SHOX: variants seen among roughly 807,000 people sequenced by gnomAD.
SHOX encodes SHOX homeobox.
A neutral mutation model predicts 29.6 loss-of-function variants in SHOX; 12 were observed. The ratio of observed to expected loss-of-function variants is 0.41; its 90% CI spans 0.26 to 0.66. The LOEUF (loss-of-function observed/expected upper bound fraction) is 0.66. Among genes scored for constraint, SHOX ranks in the 30% least tolerant of loss-of-function variants. SHOX has a pLI of 0.35. For synonymous variants in SHOX, 214 were observed against 200.6 expected, an observed-to-expected ratio of 1.07 and a Z score of -0.57; for missense variants, 499 against 437.7, an observed-to-expected ratio of 1.14 and a Z score of -1.25.
Position 644,743 on chromosome X carries a change from T to G in SHOX, c.*107T>G, listed in dbSNP as rs2052933674. ...CCTGGAGCTCCTTCCGCGGCCACCG[T>G]GCTCCGGGCACCCCGGGAGCTCCTG... On this transcript the variant is annotated 3_prime_UTR_variant, in exon 5 of 5. Transcript: ENST00000686671. The G allele has an allele frequency of 3.8e-6, 5 of 1,318,158 alleles. No homozygotes were observed. The East Asian group carries it at 9.4e-5, about 25-fold the overall frequency. The allele number at this position is 1,318,158 out of a possible 1,614,324, so 81.7% of individuals were successfully genotyped here.
At position 641,039 on chromosome X, in the gene SHOX, A is replaced by G; in HGVS notation, c.585A>G (p.Arg195=). ...CAGCCAACCACCTAGACGCCTGCCG[A>G]GTGGCACCCTACGTCAACATGGGAG... ...LGTANHLDAC[R]VAPYVNMGAL... is the part of the protein sequence containing the mutation. Residue 195 remains arginine (R), a synonymous_variant, in exon 4 of 5, where the codon CGA becomes CGG. Transcript: ENST00000686671. 1 of 1,613,710 alleles carries G rather than the reference A, an allele frequency of 6.2e-7. No homozygotes were observed. Among genetic ancestry groups the G allele is most frequent in the Non-Finnish European group, 8.5e-7 (1 of 1,179,798 alleles).
chrX:631,233 C>T, intron 1 of SHOX, 59 bp downstream of exon 1: 1 of 1,594,124 alleles, frequency 6.3e-7, no homozygotes, highest in Non-Finnish European at 8.6e-7. Flanking sequence ...CGCCTCCTCG[C>T]CACGGAGTCG....
At chrX:634,123 C>A (rs2052696568) in intron 1 of SHOX, among the ~76,000 whole-genome samples, 1 of 152,168 alleles carries the variant, frequency 6.6e-6, no homozygotes, top group Non-Finnish European at 1.5e-5. Context: ...GGTAGGGGCT[C>A]CTAGCTCCGC....
At chrX:644,280 C>A (rs768916558) in intron 4 of SHOX, 111 bp from the exon 5 acceptor site, 2 of 1,314,898 alleles carry the variant, frequency 1.5e-6, no homozygotes, top group South Asian at 1.7e-5. Context: ...GGAGAAGGGG[C>A]GACGCTCCCT....
upstream of SHOX, among the ~76,000 whole-genome samples, chrX:626,603 T>C (rs1193280798): frequency 4.0e-3 from 42 of 10,424 alleles, 5 homozygotes; most frequent in Non-Finnish European, 9.0e-3. Flanking sequence ...CTGTCTCTCT[T>C]TCTCTCCTCT....
chrX:629,955 C>A (rs1363303753), upstream of SHOX, among the ~76,000 whole-genome samples: 1 of 152,196 alleles, frequency 6.6e-6, no homozygotes, highest in Non-Finnish European at 1.5e-5. Flanking sequence ...CCGGTAAATA[C>A]CCCAGACGCC....
chrX:636,946 A>AT (rs1358267617), intron 2 of SHOX, among the ~76,000 whole-genome samples: 730 of 27,124 alleles, frequency 0.027, 9 homozygotes, highest in South Asian at 0.042. Context: ...TTTCATTTAA[A>AT]AATATATATA....
exon 1 of SHOX, chrX:624,468 G>A (rs2052464038): frequency 6.6e-6 from 1 of 151,952 alleles, no homozygotes; most frequent in African/African-American, 2.4e-5. Context: ...TGGACAGGCG[G>A]GTAGGAGCGG....
At chrX:658,098 C>CCGAGT (rs1345050456) in intron 5 of SHOX, among the ~76,000 whole-genome samples, 2 of 152,018 alleles carry the variant, frequency 1.3e-5, no homozygotes, top group Admixed American at 6.6e-5. Flanking sequence ...CCTCAGCCTC[C>CCGAGT]CGAGTAGCTG....
chrX:657,731 G>A (rs1290812902), intron 5 of SHOX, among the ~76,000 whole-genome samples: 2 of 152,242 alleles, frequency 1.3e-5, no homozygotes, highest in African/African-American at 2.4e-5. Context: ...CGAGTTGAAC[G>A]ATTGTTGGAA....
upstream of SHOX, among the ~76,000 whole-genome samples, chrX:626,561 T>TC (rs1264850860): frequency 3.6e-5 from 3 of 82,536 alleles, 1 homozygote; most frequent in Admixed American, 1.2e-4. Context: ...TCTCCTCTTT[T>TC]TCTCTGTCTC....
upstream of SHOX, among the ~76,000 whole-genome samples, chrX:628,221 C>A (rs778368873): frequency 2.5e-5 from 3 of 121,174 alleles, no homozygotes; most frequent in African/African-American, 6.1e-5. Flanking sequence ...CTGTCCGTGT[C>A]GCTCTTTCTC....
At chrX:624,851 CTCTT>C (rs1336766210) in intron 1 of SHOX, among the ~76,000 whole-genome samples, 8 of 113,868 alleles carry the variant, frequency 7.0e-5, no homozygotes, top group East Asian at 2.6e-4. Flanking sequence ...TCCTCTCTTC[CTCTT>C]TCTTTCTTTT....
intron 1 of SHOX, chrX:624,662 CT>C (rs1188559634): frequency 6.7e-6 from 1 of 149,190 alleles, no homozygotes; most frequent in Non-Finnish European, 1.5e-5. Context: ...TCTTTCCTTT[CT>C]TCGTTCCTTC....
downstream of SHOX, among the ~76,000 whole-genome samples, chrX:655,424 G>C (rs1487952252): frequency 4.0e-5 from 6 of 151,638 alleles, no homozygotes; most frequent in African/African-American, 1.5e-4. Context: ...CAGCAACAAA[G>C]TGAGACCTTT....
At chrX:639,726 G>A (rs1210914986) in intron 2 of SHOX, among the ~76,000 whole-genome samples, 1 of 152,270 alleles carries the variant, frequency 6.6e-6, no homozygotes, top group Non-Finnish European at 1.5e-5. Flanking sequence ...TCTAGGTCAG[G>A]TGCGGTGGCT....
downstream of SHOX, among the ~76,000 whole-genome samples, chrX:654,471 T>C (rs1242107239): frequency 1.3e-5 from 2 of 152,082 alleles, no homozygotes; most frequent in African/African-American, 4.8e-5. Flanking sequence ...GAAAGTATTC[T>C]GAGAAGACAG....
chrX:625,435 G>T (rs1431722444), intron 1 of SHOX, among the ~76,000 whole-genome samples: 1 of 151,970 alleles, frequency 6.6e-6, no homozygotes, highest in South Asian at 2.1e-4. Flanking sequence ...TCTTCTCATC[G>T]GCTTGGTGTG....
At chrX:633,802 C>G (rs971294045) in intron 1 of SHOX, among the ~76,000 whole-genome samples, 4 of 152,028 alleles carry the variant, frequency 2.6e-5, no homozygotes, top group African/African-American at 4.8e-5. Flanking sequence ...AGGGAGACAC[C>G]TTTTACTTAA....
Sources: allele counts gnomAD v4.1 joint callset (sites outside exome capture counted in the v4.1 genomes callset), GRCh38; gene constraint gnomAD v4.1.1; transcripts MANE v1.5; gene names NCBI Gene and HGNC (gene_info 2026-07-23, HGNC 2026-07-21).